TMEM108: variants seen among roughly 807,000 people sequenced by gnomAD.
The protein encoded by TMEM108 is cancer/testis antigen 124.
A neutral mutation model predicts 35.1 loss-of-function variants in TMEM108; 12 were observed. That is an observed-to-expected ratio of 0.34 (90% CI 0.22 to 0.55). The LOEUF is 0.55. TMEM108 is among the 20% of genes least tolerant of loss of function. The probability of loss-of-function intolerance (pLI) is 0.89; values close to 1 mark genes in which losing one functional copy is unlikely to be tolerated. For synonymous variants in TMEM108, 287 were observed against 308.6 expected (o/e 0.93, Z 0.73); for missense variants, 680 against 753.3 (o/e 0.90, Z 1.14).
At chr3:133,185,241 T>A (rs1180668889) in intron 2 of TMEM108, among the ~76,000 whole-genome samples, 1 of 152,176 alleles carries the variant, frequency 6.6e-6, no homozygotes, top group East Asian at 1.9e-4. Flanking sequence ...GTCTCTGCTC[T>A]GAAAATAGAC....
intron 3 of TMEM108, among the ~76,000 whole-genome samples, chr3:133,354,105 C>T (rs745725965): frequency 5.3e-5 from 8 of 152,200 alleles, no homozygotes; most frequent in Admixed American, 1.3e-4. Flanking sequence ...ACTCCTATTT[C>T]TCTATTAAGC....
At chr3:133,248,101 C>T (rs1156233669) in intron 3 of TMEM108, 1 of 152,148 alleles carries the variant, frequency 6.6e-6, no homozygotes, top group East Asian at 1.9e-4. Context: ...TTTGATCCAC[C>T]TCTGACTCCT....
At chr3:133,253,443 T>C (rs1174583925) in intron 3 of TMEM108, 1 of 152,164 alleles carries the variant, frequency 6.6e-6, no homozygotes. Context: ...AATGGATGTA[T>C]GTTTTTGCCC....
At chr3:133,206,612 C>G (rs1945758420) in intron 2 of TMEM108, among the ~76,000 whole-genome samples, 2 of 152,202 alleles carry the variant, frequency 1.3e-5, no homozygotes, top group Non-Finnish European at 2.9e-5. Flanking sequence ...TCCTCTTTGC[C>G]TGGGTATCAC....
chr3:133,337,098 C>T (rs1458024637), intron 3 of TMEM108, among the ~76,000 whole-genome samples: 1 of 152,134 alleles, frequency 6.6e-6, no homozygotes, highest in Non-Finnish European at 1.5e-5. Flanking sequence ...CTGGGTGGCA[C>T]CTCTGGACCC....
At chr3:133,060,776 T>G (rs985250780) in intron 2 of TMEM108, among the ~76,000 whole-genome samples, 4 of 152,202 alleles carry the variant, frequency 2.6e-5, no homozygotes, top group African/African-American at 9.6e-5. Flanking sequence ...CAGCTTCTAG[T>G]ATTTGTCTAA....
intron 3 of TMEM108, among the ~76,000 whole-genome samples, chr3:133,370,887 T>TGTGTGTGTGTGTGG: frequency 7.8e-6 from 1 of 128,924 alleles, no homozygotes; most frequent in East Asian, 2.0e-4. Context: ...TGTGTGTGTG[T>TGTGTGTGTGTGTGG]GTGTGTGTGT....
At chr3:133,277,200 CAGT>C (rs1400084928) in intron 3 of TMEM108, among the ~76,000 whole-genome samples, 1 of 151,732 alleles carries the variant, frequency 6.6e-6, no homozygotes, top group East Asian at 1.9e-4. Context: ...ATTTATTAGA[CAGT>C]AGTTTTGTAA....
At chr3:133,350,591 C>A (rs2107768511) in intron 3 of TMEM108, among the ~76,000 whole-genome samples, 1 of 152,032 alleles carries the variant, frequency 6.6e-6, no homozygotes, top group South Asian at 2.1e-4. Flanking sequence ...AAAATAAAAA[C>A]CAAAATCTAG....
At chr3:133,323,607 A>C (rs985570092) in intron 3 of TMEM108, among the ~76,000 whole-genome samples, 16 of 152,220 alleles carry the variant, frequency 1.1e-4, no homozygotes, top group African/African-American at 3.6e-4. Flanking sequence ...TGCCAAAAGC[A>C]ATCTACAGAT....
intron 3 of TMEM108, among the ~76,000 whole-genome samples, chr3:133,309,989 C>T (rs188080990): frequency 8.9e-4 from 135 of 152,178 alleles, no homozygotes; most frequent in African/African-American, 2.9e-3. Flanking sequence ...CGTGAGCCAC[C>T]GCGCCCGGCC....
chr3:133,377,228 G>T (rs947795301), intron 3 of TMEM108, among the ~76,000 whole-genome samples: 5 of 152,180 alleles, frequency 3.3e-5, no homozygotes, highest in Admixed American at 2.6e-4. Context: ...GATTTTGGGG[G>T]TGCATAAGTC....
At chr3:133,042,742 G>C (rs1168030915) in intron 1 of TMEM108, among the ~76,000 whole-genome samples, 2 of 152,190 alleles carry the variant, frequency 1.3e-5, no homozygotes, top group African/African-American at 4.8e-5. Context: ...GTTCAGAGTT[G>C]AGTTTCTTGA....
intron 2 of TMEM108, among the ~76,000 whole-genome samples, chr3:133,086,010 C>T (rs904826808): frequency 5.9e-5 from 9 of 152,150 alleles, no homozygotes; most frequent in African/African-American, 2.2e-4. Context: ...CTTCTAATTT[C>T]TGTCTTTGAC....
chr3:133,119,477 A>G (rs1040826921), intron 2 of TMEM108: 1 of 152,332 alleles, frequency 6.6e-6, no homozygotes, highest in African/African-American at 2.4e-5. Context: ...TTTGTACCTC[A>G]TTAATTGAGA....
intron 3 of TMEM108, among the ~76,000 whole-genome samples, chr3:133,264,475 AT>A (rs1463446574): frequency 6.6e-6 from 1 of 152,220 alleles, no homozygotes; most frequent in Non-Finnish European, 1.5e-5. Context: ...AAACTGTGAT[AT>A]TCTCAGCAAG....
At chr3:133,302,538 C>T (rs532568929) in intron 3 of TMEM108, among the ~76,000 whole-genome samples, 1 of 150,554 alleles carries the variant, frequency 6.6e-6, no homozygotes, top group Admixed American at 6.6e-5. Flanking sequence ...TCTCCTGCCT[C>T]AGCCTCCCGA....
At chr3:133,131,704 G>A (rs948009186) in intron 2 of TMEM108, among the ~76,000 whole-genome samples, 3 of 151,616 alleles carry the variant, frequency 2.0e-5, no homozygotes, top group African/African-American at 7.3e-5. Context: ...AGTGTAGGAA[G>A]CCTTGTTGAA....
chr3:133,387,341 G>A (rs1198129582), intron 4 of TMEM108: 1 of 985,478 alleles, frequency 1.0e-6, no homozygotes. Flanking sequence ...TCTGTAGCCA[G>A]GCTGGCTTTC....
Sources: allele counts gnomAD v4.1 joint callset (sites outside exome capture counted in the v4.1 genomes callset), GRCh38; gene constraint gnomAD v4.1.1; transcripts MANE v1.5; gene names NCBI Gene and HGNC (gene_info 2026-07-23, HGNC 2026-07-21).